The following FGGY variants were observed in gnomAD, a reference collection of about 807,000 sequenced individuals.
FGGY encodes FGGY carbohydrate kinase domain-containing protein.
Under a neutral mutation model 71.3 loss-of-function variants are expected in FGGY, and 72 were observed. The observed-to-expected ratio is 1.01, with a 90% CI of 0.84 to 1.23. The LOEUF (loss-of-function observed/expected upper bound fraction) is 1.23, where lower values mean the gene tolerates loss of function less well. FGGY is among the 50% of genes most tolerant of loss of function. FGGY has a pLI of 0.00. For missense variants in FGGY, 668 were observed against 682.3 expected (o/e 0.98, Z 0.23); for synonymous variants, 251 against 250.3 (o/e 1.00, Z -0.02).
At chr1:59,367,715 A>C (rs1314168571) in intron 4 of FGGY, among the ~76,000 whole-genome samples, 5 of 152,164 alleles carry the variant, frequency 3.3e-5, no homozygotes, top group Non-Finnish European at 7.3e-5. Context: ...GAAACCTCAC[A>C]GCTTCCCTGG....
intron 5 of FGGY, among the ~76,000 whole-genome samples, chr1:59,422,985 C>T (rs1186774027): frequency 6.6e-6 from 1 of 152,116 alleles, no homozygotes; most frequent in Admixed American, 6.5e-5. Context: ...ATAGTAAACA[C>T]GTGGCAGCAG....
chr1:59,369,758 A>G (rs1188459195), intron 4 of FGGY, among the ~76,000 whole-genome samples: 2 of 152,224 alleles, frequency 1.3e-5, no homozygotes, highest in East Asian at 1.9e-4. Context: ...CGGTTCACGA[A>G]AAACGACTGT....
chr1:59,410,736 A>G lies in FGGY; in HGVS notation c.554+31899A>G, dbSNP rs566459195. Reference sequence around the variant, plus strand: ...ACTCTGAGGCTCGGGCAGGTAATTGAATCTAGAAGACCATGGTGACGTTCT... The same window carrying G: ...ACTCTGAGGCTCGGGCAGGTAATTGGATCTAGAAGACCATGGTGACGTTCT... On this transcript the variant is annotated intron_variant, in intron 5 of 15. Transcript: ENST00000303721. Among the ~76,000 whole-genome samples the G allele has an allele frequency of 2.0e-4, 31 of 152,306 alleles. No individual in the cohort carries two copies. In the South Asian group the frequency reaches 6.4e-3, roughly 32 times the overall value.
intron 8 of FGGY, among the ~76,000 whole-genome samples, chr1:59,598,253 G>A (rs2096542818): frequency 6.6e-6 from 1 of 152,248 alleles, no homozygotes. Context: ...AAGGCCAAGT[G>A]TGGCTTCTTG....
At chr1:59,608,026 G>A in intron 9 of FGGY, 116 bp downstream of exon 9, 1 of 758,860 alleles carries the variant, frequency 1.3e-6, no homozygotes, top group South Asian at 1.8e-5. Flanking sequence ...CTGAATCGGG[G>A]TGTACTTTCT....
chr1:59,619,279 C>T (rs2096786405), intron 9 of FGGY, among the ~76,000 whole-genome samples: 2 of 152,102 alleles, frequency 1.3e-5, no homozygotes, highest in East Asian at 1.9e-4. Context: ...TCCTGCACTC[C>T]ACCAAGACTC....
At chr1:59,327,427 C>T (rs889843588) in intron 2 of FGGY, among the ~76,000 whole-genome samples, 2 of 152,140 alleles carry the variant, frequency 1.3e-5, no homozygotes, top group Non-Finnish European at 2.9e-5. Context: ...CATGAGATTA[C>T]AGCAATTCAA....
intron 6 of FGGY, among the ~76,000 whole-genome samples, chr1:59,482,287 C>A (rs758859546): frequency 1.3e-5 from 2 of 152,078 alleles, no homozygotes; most frequent in African/African-American, 2.4e-5. Context: ...TTTCAAAAAC[C>A]AGCCTGATGT....
At chr1:59,323,847 A>C (rs2046842985) in intron 2 of FGGY, among the ~76,000 whole-genome samples, 1 of 152,252 alleles carries the variant, frequency 6.6e-6, no homozygotes, top group Admixed American at 6.5e-5. Flanking sequence ...ATGGTGACAG[A>C]AAATGAGCAG....
intron 8 of FGGY, among the ~76,000 whole-genome samples, chr1:59,587,191 G>A (rs2096312700): frequency 6.6e-6 from 1 of 152,138 alleles, no homozygotes; most frequent in Non-Finnish European, 1.5e-5. Flanking sequence ...CTCACTGATT[G>A]CTAGCACAGC....
chr1:59,699,389 T>A (rs2097691322), intron 14 of FGGY: 8 of 985,314 alleles, frequency 8.1e-6, no homozygotes, highest in Admixed American at 6.1e-5. Flanking sequence ...GTACTTTTTC[T>A]TTTTGACGGT....
intron 8 of FGGY, among the ~76,000 whole-genome samples, chr1:59,603,642 CAG>C (rs1373628032): frequency 6.6e-6 from 1 of 152,192 alleles, no homozygotes; most frequent in Non-Finnish European, 1.5e-5. Context: ...GAGAATTGGG[CAG>C]AGTCAGGACT....
intron 4 of FGGY, among the ~76,000 whole-genome samples, chr1:59,375,982 C>T (rs1302699406): frequency 2.0e-5 from 3 of 148,168 alleles, no homozygotes; most frequent in East Asian, 4.1e-4. Flanking sequence ...TATCTGGTCA[C>T]TGGCCTTTGA....
chr1:59,518,898 A>G (rs1190300174), intron 7 of FGGY, among the ~76,000 whole-genome samples: 1 of 152,204 alleles, frequency 6.6e-6, no homozygotes, highest in Non-Finnish European at 1.5e-5. Context: ...TACAAAACAC[A>G]TCTATGTTCA....
intron 4 of FGGY, among the ~76,000 whole-genome samples, chr1:59,372,525 T>C (rs1019438771): frequency 2.0e-5 from 3 of 152,040 alleles, no homozygotes; most frequent in Non-Finnish European, 4.4e-5. Context: ...TTCCAATCAA[T>C]AGAAAAAGAG....
At chr1:59,435,531 C>T (rs1264493751) in intron 5 of FGGY, among the ~76,000 whole-genome samples, 2 of 152,156 alleles carry the variant, frequency 1.3e-5, no homozygotes, top group Non-Finnish European at 2.9e-5. Context: ...TGCTCCACTT[C>T]ACTTGCCCAG....
At chr1:59,688,888 T>C (rs1337878321) in intron 14 of FGGY, among the ~76,000 whole-genome samples, 2 of 152,128 alleles carry the variant, frequency 1.3e-5, no homozygotes, top group African/African-American at 4.8e-5. Context: ...TAGCTGGGAT[T>C]ACAGGCACCT....
At chr1:59,349,114 A>G (rs549903877) in intron 4 of FGGY, among the ~76,000 whole-genome samples, 1 of 152,346 alleles carries the variant, frequency 6.6e-6, no homozygotes, top group East Asian at 1.9e-4. Flanking sequence ...TAGATAGCAC[A>G]GGAAACTGAT....
chr1:59,425,824 C>T (rs2066267704), intron 5 of FGGY, among the ~76,000 whole-genome samples: 3 of 152,134 alleles, frequency 2.0e-5, no homozygotes, highest in Admixed American at 2.0e-4. Context: ...TGGCTCTTTT[C>T]ATTTTTCAGA....
Sources: gnomAD v4.1 joint callset for allele counts (sites outside exome capture counted in the v4.1 genomes callset) on GRCh38, gnomAD v4.1.1 for gene constraint, MANE v1.5 for transcripts, NCBI Gene and HGNC (gene_info 2026-07-23, HGNC 2026-07-21) for gene names.